Variants in ASIC2 observed in about 807,000 individuals in gnomAD.
The protein encoded by ASIC2 is acid sensing ion channel subunit 2, also known as acid-sensing ion channel 2.
In ASIC2, 25 loss-of-function variants were observed where a neutral mutation model predicts 57.3. That is an observed-to-expected ratio of 0.44 (90% confidence interval 0.32 to 0.61). The LOEUF (loss-of-function observed/expected upper bound fraction) is 0.61, where lower values mean the gene tolerates loss of function less well. ASIC2 is among the 20% of genes least tolerant of loss of function. The probability of loss-of-function intolerance (pLI) is 0.06; values close to 1 mark genes in which losing one functional copy is unlikely to be tolerated. For synonymous variants in ASIC2, 319 were observed against 307.5 expected, an observed-to-expected ratio of 1.04 and a Z score of -0.39; for missense variants, 641 against 738.1, an observed-to-expected ratio of 0.87 and a Z score of 1.52.
At chr17:33,569,010 G>T (rs1916342356) in intron 1 of ASIC2, 1 of 152,246 alleles carries the variant, frequency 6.6e-6, no homozygotes, top group Non-Finnish European at 1.5e-5. Flanking sequence ...GTCTTCCCTT[G>T]AAGGTCAGGT....
intron 1 of ASIC2, among the ~76,000 whole-genome samples, chr17:33,600,001 G>T (rs193260228): frequency 6.6e-6 from 1 of 151,980 alleles, no homozygotes; most frequent in Non-Finnish European, 1.5e-5. Context: ...AACAGTTCTC[G>T]CCATCTTCAC....
At chr17:33,275,322 T>A (rs1001257087) in intron 1 of ASIC2, among the ~76,000 whole-genome samples, 1 of 152,184 alleles carries the variant, frequency 6.6e-6, no homozygotes, top group African/African-American at 2.4e-5. Context: ...TATTTAAATA[T>A]CTCAGGCAAA....
At position 33,843,762 on chromosome 17, in the gene ASIC2, T is replaced by C. The variant is rs1474316080; in HGVS notation, c.555+312216A>G. ...GCTTGGAAGCCAAATCTCTCACAGT[T>C]TGTAACAGCAGGTTGTGCCTCTTAT... is the stretch of plus-strand genomic sequence containing the variant. On this transcript the variant is annotated intron_variant, in intron 1 of 9. Transcript: ENST00000359872. Among the ~76,000 whole-genome samples the C allele has an allele frequency of 4.6e-5, 7 of 152,328 alleles. No individual in the cohort carries two copies. In the East Asian group the frequency reaches 1.4e-3, roughly 29 times the overall value.
chr17:33,619,675 C>G (rs1905718373), intron 1 of ASIC2, among the ~76,000 whole-genome samples: 1 of 152,160 alleles, frequency 6.6e-6, no homozygotes. Flanking sequence ...ACATCTCTTG[C>G]CGCACAGAGC....
intron 1 of ASIC2, among the ~76,000 whole-genome samples, chr17:33,407,345 T>G (rs1270107099): frequency 1.3e-5 from 2 of 152,230 alleles, no homozygotes; most frequent in African/African-American, 4.8e-5. Context: ...ACACTAAATC[T>G]CTCAGAACTG....
chr17:33,720,383 C>G (rs1909349868), intron 1 of ASIC2, among the ~76,000 whole-genome samples: 1 of 152,216 alleles, frequency 6.6e-6, no homozygotes, highest in African/African-American at 2.4e-5. Flanking sequence ...CTTTAATATT[C>G]ACCATATCAT....
chr17:33,282,453 ATGTGTGTGTG>A (rs35692967), intron 1 of ASIC2, among the ~76,000 whole-genome samples: 2 of 147,454 alleles, frequency 1.4e-5, no homozygotes, highest in Non-Finnish European at 1.5e-5. Context: ...CTCTGTGTGT[ATGTGTGTGTG>A]TGTGTGTGTG....
intron 1 of ASIC2, among the ~76,000 whole-genome samples, chr17:33,762,601 G>A (rs1034768097): frequency 6.6e-6 from 1 of 152,172 alleles, no homozygotes; most frequent in Admixed American, 6.5e-5. Context: ...TTTTCAGAAA[G>A]GCCGCTCCCA....
chr17:34,149,335 T>G (rs1219747593), intron 1 of ASIC2, among the ~76,000 whole-genome samples: 1 of 152,148 alleles, frequency 6.6e-6, no homozygotes, highest in Non-Finnish European at 1.5e-5. Context: ...CTTTCTTTAT[T>G]ATTTCCCACA....
At chr17:33,145,069 C>T (rs1904499626) in intron 1 of ASIC2, among the ~76,000 whole-genome samples, 2 of 152,336 alleles carry the variant, frequency 1.3e-5, no homozygotes, top group African/African-American at 2.4e-5. Context: ...CCTTCTTACT[C>T]AATATATGGG....
At chr17:33,770,805 C>A (rs1911079125) in intron 1 of ASIC2, among the ~76,000 whole-genome samples, 2 of 152,120 alleles carry the variant, frequency 1.3e-5, no homozygotes, top group African/African-American at 4.8e-5. Context: ...TTCAATTTCC[C>A]CCCTGGGACT....
chr17:33,232,061 C>A (rs1478762788), intron 1 of ASIC2, among the ~76,000 whole-genome samples: 1 of 152,184 alleles, frequency 6.6e-6, no homozygotes, highest in Non-Finnish European at 1.5e-5. Flanking sequence ...TTTGCCTCTT[C>A]CCCTTCAATT....
chr17:33,626,792 C>A (rs1373605084), intron 1 of ASIC2, among the ~76,000 whole-genome samples: 1 of 152,278 alleles, frequency 6.6e-6, no homozygotes, highest in South Asian at 2.1e-4. Context: ...CTTAAGTTCT[C>A]ATCATTTGCA....
chr17:33,285,106 G>A (rs1357825903), intron 1 of ASIC2, among the ~76,000 whole-genome samples: 2 of 152,166 alleles, frequency 1.3e-5, no homozygotes, highest in African/African-American at 2.4e-5. Flanking sequence ...GAAGGCAACC[G>A]ACCCGCGAAG....
intron 1 of ASIC2, among the ~76,000 whole-genome samples, chr17:33,416,615 G>C (rs911655943): frequency 6.6e-6 from 1 of 152,226 alleles, no homozygotes; most frequent in African/African-American, 2.4e-5. Flanking sequence ...AGCTGAGGGA[G>C]GATGGGTGAT....
At chr17:33,513,862 A>G (rs977771484) in intron 1 of ASIC2, among the ~76,000 whole-genome samples, 2 of 152,148 alleles carry the variant, frequency 1.3e-5, no homozygotes, top group African/African-American at 4.8e-5. Flanking sequence ...GGCTGTTTGG[A>G]GGCTGCCTTC....
chr17:33,873,464 A>G (rs1480204300), intron 1 of ASIC2, among the ~76,000 whole-genome samples: 1 of 152,150 alleles, frequency 6.6e-6, no homozygotes, highest in Non-Finnish European at 1.5e-5. Context: ...TCCTCTCTCT[A>G]TGTCCTTGAC....
At chr17:33,897,650 T>C (rs1484855522) in intron 1 of ASIC2, among the ~76,000 whole-genome samples, 2 of 152,236 alleles carry the variant, frequency 1.3e-5, no homozygotes, top group Non-Finnish European at 2.9e-5. Context: ...CATTTCAAAA[T>C]AGTTAATATC....
intron 1 of ASIC2, among the ~76,000 whole-genome samples, chr17:33,899,581 A>G (rs1915186433): frequency 6.6e-6 from 1 of 152,174 alleles, no homozygotes; most frequent in African/African-American, 2.4e-5. Context: ...AAGGCTGGAG[A>G]GAGAGATTGG....
Sources: gnomAD v4.1 joint callset for allele counts (sites outside exome capture counted in the v4.1 genomes callset) on GRCh38, gnomAD v4.1.1 for gene constraint, MANE v1.5 for transcripts, NCBI Gene and HGNC (gene_info 2026-07-23, HGNC 2026-07-21) for gene names.